Variants in NAALADL2 observed in about 807,000 individuals in gnomAD.
NAALADL2 encodes the protein inactive N-acetylated-alpha-linked acidic dipeptidase-like protein 2.
Under a neutral mutation model 87.2 loss-of-function variants are expected in NAALADL2, and 76 were observed. That is an observed-to-expected ratio of 0.87 (90% confidence interval 0.72 to 1.05). The LOEUF is 1.05. NAALADL2 is among the 50% of genes least tolerant of loss of function. NAALADL2 has a pLI of 0.00. For synonymous variants in NAALADL2, 354 were observed against 331.0 expected (o/e 1.07, Z -0.75); for missense variants, 1,089 against 945.8 (o/e 1.15, Z -1.99).
At chr3:174,966,017 T>G (rs1742812208) in intron 1 of NAALADL2, among the ~76,000 whole-genome samples, 1 of 152,046 alleles carries the variant, frequency 6.6e-6, no homozygotes, top group Admixed American at 6.6e-5. Context: ...CCATTTGAGA[T>G]TCATGATCAT....
At chr3:174,942,848 G>A (rs56411128) in intron 1 of NAALADL2, among the ~76,000 whole-genome samples, 13,700 of 152,064 alleles carry the variant, frequency 0.09, 1,085 homozygotes, top group African/African-American at 0.21. Flanking sequence ...TGATTGCATT[G>A]TGAAATTCTT....
intron 9 of NAALADL2, among the ~76,000 whole-genome samples, chr3:175,523,990 C>G (rs1277734383): frequency 6.6e-6 from 1 of 152,152 alleles, no homozygotes; most frequent in Non-Finnish European, 1.5e-5. Flanking sequence ...TATTATAGTT[C>G]TTGTTTGCTA....
At chr3:175,792,727 T>C (rs78842466) in intron 13 of NAALADL2, among the ~76,000 whole-genome samples, 8,339 of 152,282 alleles carry the variant, frequency 0.055, 312 homozygotes, top group Non-Finnish European at 0.084. Flanking sequence ...ACTGACGTAA[T>C]TGAAAATCAA....
intron 1 of NAALADL2, among the ~76,000 whole-genome samples, chr3:175,066,053 G>A (rs1714483394): frequency 6.6e-6 from 1 of 152,112 alleles, no homozygotes; most frequent in Non-Finnish European, 1.5e-5. Context: ...CCCCTTCAGT[G>A]TCTGTATTCA....
intron 11 of NAALADL2, among the ~76,000 whole-genome samples, chr3:175,717,442 A>G (rs1325263784): frequency 6.6e-6 from 1 of 152,132 alleles, no homozygotes; most frequent in Non-Finnish European, 1.5e-5. Flanking sequence ...CTGTAATCCC[A>G]GCACTTTGGG....
chr3:174,749,086 C>T lies in NAALADL2; in HGVS notation c.-9+11340C>T, dbSNP rs895718027. Among the ~76,000 whole-genome samples, 5 of 152,110 alleles carry T rather than the reference C, an allele frequency of 3.3e-5. No homozygotes were observed. The East Asian group carries it at 5.8e-4, about 18-fold the overall frequency. ...TCAGCCAGGACTTATAACATTTAAT[C>T]TCCCTATATGCTTTCACATCCCCTG... On this transcript the variant is annotated intron_variant, in intron 3 of 3. Transcript: ENST00000434257.
At chr3:174,787,937 A>G (rs1324985123) in intron 3 of NAALADL2, among the ~76,000 whole-genome samples, 2 of 151,960 alleles carry the variant, frequency 1.3e-5, no homozygotes, top group African/African-American at 4.8e-5. Context: ...AACAAACAAA[A>G]CAAAACAAAA....
chr3:175,474,488 C>T (rs1002955781), intron 9 of NAALADL2, among the ~76,000 whole-genome samples: 1 of 152,124 alleles, frequency 6.6e-6, no homozygotes, highest in Non-Finnish European at 1.5e-5. Flanking sequence ...GTCTATCAGA[C>T]AACATCTTGA....
chr3:174,676,646 G>A (rs1443555823), intron 2 of NAALADL2, among the ~76,000 whole-genome samples: 1 of 151,776 alleles, frequency 6.6e-6, no homozygotes, highest in Non-Finnish European at 1.5e-5. Context: ...ATTTATGTGA[G>A]ACAGTATATG....
intron 6 of NAALADL2, among the ~76,000 whole-genome samples, chr3:175,454,268 G>A (rs1722005078): frequency 6.6e-6 from 1 of 151,804 alleles, no homozygotes; most frequent in South Asian, 2.1e-4. Context: ...TTTTTCTTTA[G>A]ATTTAGATGT....
At chr3:174,445,232 T>C (rs377759641) in intron 1 of NAALADL2, among the ~76,000 whole-genome samples, 9 of 152,124 alleles carry the variant, frequency 5.9e-5, no homozygotes, top group African/African-American at 2.2e-4. Context: ...ACTGAATGCT[T>C]TTAGGTTGTT....
intron 3 of NAALADL2, among the ~76,000 whole-genome samples, chr3:175,252,773 G>C (rs192721143): frequency 6.6e-6 from 1 of 152,312 alleles, no homozygotes; most frequent in Non-Finnish European, 1.5e-5. Context: ...TAATTAGAGA[G>C]CAAAACAGCC....
chr3:175,456,464 T>TACACAC (rs58456254), intron 6 of NAALADL2, among the ~76,000 whole-genome samples: 1,662 of 151,618 alleles, frequency 0.011, 15 homozygotes, highest in East Asian at 0.057. Flanking sequence ...TAACTACCAA[T>TACACAC]ACACACACAC....
intron 2 of NAALADL2, among the ~76,000 whole-genome samples, chr3:174,590,478 C>A (rs1717243911): frequency 6.6e-6 from 1 of 152,034 alleles, no homozygotes; most frequent in Admixed American, 6.5e-5. Flanking sequence ...TAAAAGCTAT[C>A]TTGAAAAGAT....
At position 174,763,586 on chromosome 3, in the gene NAALADL2, C is replaced by CAAAAAA. The variant is rs1163373340; in HGVS notation, c.-9+25850_-9+25855dup. On this transcript the variant is annotated intron_variant, in intron 3 of 3. Transcript: ENST00000434257. ...TGGGCTACAGAGCGAGACTCCATCTCAAAAAAAAAAAAAAAGACTAAAATG... is the reference window on the plus strand; with the variant it reads ...TGGGCTACAGAGCGAGACTCCATCTCAAAAAAAAAAAAAAAAAAAAAGACTAAAATG... Among the ~76,000 whole-genome samples, 73 of 48,362 alleles carry CAAAAAA rather than the reference C, an allele frequency of 1.5e-3. 4 individuals are homozygous for CAAAAAA. Among genetic ancestry groups the CAAAAAA allele is most frequent in the Middle Eastern group, 0.02 (1 of 50 alleles). The allele number at this position is 48,362 out of a possible 152,430, so 31.7% of individuals were successfully genotyped here.
intron 4 of NAALADL2, among the ~76,000 whole-genome samples, chr3:175,280,476 T>C (rs1754149809): frequency 6.6e-6 from 1 of 152,072 alleles, no homozygotes; most frequent in South Asian, 2.1e-4. Context: ...TAGTAAACTG[T>C]GTTGGGAAGA....
chr3:175,384,191 C>T (rs557011839), intron 5 of NAALADL2, among the ~76,000 whole-genome samples: 54 of 152,088 alleles, frequency 3.6e-4, no homozygotes, highest in African/African-American at 1.2e-3. Context: ...TTTGGGTTTA[C>T]GAGCTGCATA....
chr3:174,876,933 G>C (rs1283923076), intron 1 of NAALADL2, among the ~76,000 whole-genome samples: 2 of 152,086 alleles, frequency 1.3e-5, no homozygotes, highest in African/African-American at 4.8e-5. Context: ...ATTTGGTGAG[G>C]GCTCTCTTCC....
chr3:174,942,845 A>G (rs964136109), intron 1 of NAALADL2, among the ~76,000 whole-genome samples: 1 of 152,104 alleles, frequency 6.6e-6, no homozygotes, highest in African/African-American at 2.4e-5. Context: ...TTGTGATTGC[A>G]TTGTGAAATT....
Sources: allele counts gnomAD v4.1 joint callset (sites outside exome capture counted in the v4.1 genomes callset), GRCh38; gene constraint gnomAD v4.1.1; transcripts MANE v1.5; gene names NCBI Gene and HGNC (gene_info 2026-07-23, HGNC 2026-07-21).